Variants in SYT2 observed in about 807,000 individuals in gnomAD.
SYT2 encodes the protein synaptotagmin-2.
In SYT2, 15 loss-of-function variants were observed where a neutral mutation model predicts 39.9. The ratio of observed to expected loss-of-function variants is 0.38; its 90% CI spans 0.25 to 0.58. The LOEUF is 0.58. Ranked by LOEUF, SYT2 falls within the 20% of genes least tolerant of loss-of-function variation. The pLI is 0.70. For synonymous variants in SYT2, 181 were observed against 204.5 expected (o/e 0.89, Z 0.98); for missense variants, 389 against 530.3 (o/e 0.73, Z 2.62).
At chr1:202,660,240 T>A (rs1202757037) in intron 1 of SYT2, among the ~76,000 whole-genome samples, 3 of 152,148 alleles carry the variant, frequency 2.0e-5, no homozygotes, top group African/African-American at 7.2e-5. Context: ...CAAGCTGGAC[T>A]TCGGTCCTGA....
At chr1:202,709,584 G>C (rs1369349949) in intron 1 of SYT2, among the ~76,000 whole-genome samples, 1 of 152,256 alleles carries the variant, frequency 6.6e-6, no homozygotes, top group African/African-American at 2.4e-5. Flanking sequence ...CTTGGGGACA[G>C]AGCTGAAGCA....
intron 1 of SYT2, among the ~76,000 whole-genome samples, chr1:202,696,236 A>C (rs747764312): frequency 6.6e-6 from 1 of 151,704 alleles, no homozygotes; most frequent in Non-Finnish European, 1.5e-5. Context: ...CCAGCTCAGA[A>C]CTCTTCCTAT....
rs191028848 is a variant in SYT2 at position 202,700,629 on chromosome 1, C to T, written c.-18+9629G>A. 5.1e-4 allele frequency among the ~76,000 whole-genome samples: 78 copies of T among 152,144 alleles called. 1 individual carries two copies. The highest frequency in any genetic ancestry group is 1.6e-3 in the African/African-American group (67 of 41,510). ...CAAGACCAAAAAAATATATAGTAGA[C>T]GTTTTCTCTAGTAAAATATCTAGTA... On this transcript the variant is annotated intron_variant, in intron 1 of 8. Coordinates refer to ENST00000367268, the MANE Select transcript of SYT2 (RefSeq NM_177402.5).
Position 202,599,459 on chromosome 1 carries a change from C to CCG in SYT2, c.920-110_920-109dup. The CCG allele has an allele frequency of 7.8e-7, 1 of 1,281,634 alleles. No homozygotes were observed. The highest frequency in any genetic ancestry group is 1.1e-6 in the Non-Finnish European group (1 of 947,958). The allele number at this position is 1,281,634 out of a possible 1,614,324, so 79.4% of individuals were successfully genotyped here. A position where few individuals can be genotyped will look rare whatever the true frequency, so the allele number is the denominator to read the frequency against. ...CATCGGTCAAGAGGGGGTCTTCACT[C>CCG]CGCTGAGACCAGGCCCTCAGAAAGC... On this transcript the variant is annotated intron_variant, in intron 7 of 8. Transcript: ENST00000367268. This position sits in a 1 kb window ranked among gnomAD's most constrained non-coding sequence, Gnocchi z 4.4.
At position 202,601,798 on chromosome 1, in the gene SYT2, C is replaced by T; in HGVS notation, c.801+92G>A. ...GGATCCTAACACAGGTCGTCTGCCT[C>T]CAAAGCCCACCCTGTTTCCATCATG... is the stretch of plus-strand genomic sequence containing the variant. On this transcript the variant is annotated intron_variant, in intron 6 of 8. Transcript: ENST00000367268. The surrounding 1 kb of genome is among the most constrained non-coding windows in gnomAD (Gnocchi z 4.0). 7.0e-7 allele frequency: 1 copy of T among 1,428,856 alleles called. No individual in the cohort carries two copies. The highest frequency in any genetic ancestry group is 9.6e-7 in the Non-Finnish European group (1 of 1,042,760). The allele number at this position is 1,428,856 out of a possible 1,614,324, so 88.5% of individuals were successfully genotyped here.
chr1:202,645,287 T>C (rs1352810730), intron 1 of SYT2, among the ~76,000 whole-genome samples: 2 of 152,150 alleles, frequency 1.3e-5, no homozygotes, highest in Non-Finnish European at 2.9e-5. Context: ...TCACCTGAGA[T>C]GGGTGTGCGG....
intron 1 of SYT2, among the ~76,000 whole-genome samples, chr1:202,645,507 C>T (rs1220562395): frequency 2.6e-5 from 4 of 152,130 alleles, no homozygotes; most frequent in Admixed American, 6.5e-5. Context: ...AAGCTTATGC[C>T]TTCACGATTG....
At position 202,608,567 on chromosome 1, in the gene SYT2, C is replaced by T. The variant is rs570253086; in HGVS notation, c.-17-2778G>A. Among the ~76,000 whole-genome samples the T allele has an allele frequency of 4.6e-5, 7 of 152,316 alleles. No individual in the cohort carries two copies. In the East Asian group the frequency reaches 1.3e-3, roughly 29 times the overall value. On this transcript the variant is annotated intron_variant, in intron 1 of 8. Coordinates refer to ENST00000367268, the MANE Select transcript of SYT2 (RefSeq NM_177402.5). ...TTGGCATTACAGGCATGAGCCACCG[C>T]ACCTTGCCTAGAACATATTTTATAT...
In SYT2 at chr1:202,613,649, C is replaced by T. The variant is rs186716767; in HGVS notation, c.-17-7860G>A. ...GTAAGCTGTGGGCTTTTTGTAGATG[C>T]CATTTATCAGTTGAGCCTAGCTCCT... On this transcript the variant is annotated intron_variant, in intron 1 of 8. Coordinates refer to ENST00000367268, the MANE Select transcript of SYT2 (RefSeq NM_177402.5). Among the ~76,000 whole-genome samples the T allele has an allele frequency of 1.5e-3, 222 of 152,144 alleles. 2 individuals carry two copies. The highest frequency in any genetic ancestry group is 5.1e-3 in the Admixed American group (78 of 15,272).
intron 1 of SYT2, among the ~76,000 whole-genome samples, chr1:202,693,591 C>T (rs370279483): frequency 3.3e-5 from 5 of 152,052 alleles, no homozygotes; most frequent in African/African-American, 1.2e-4. Context: ...GGATTTGGGG[C>T]GATTTAGATA....
rs780436462 is a variant in SYT2 at position 202,631,829 on chromosome 1, A to G, written c.-17-26040T>C. ...CCCACTATTGGGAGGGGTGTTATAGACAGGACTCAGGTAAGGGGACACAGC... is the reference window on the plus strand; with the variant it reads ...CCCACTATTGGGAGGGGTGTTATAGGCAGGACTCAGGTAAGGGGACACAGC... On this transcript the variant is annotated intron_variant, in intron 1 of 8. Coordinates refer to ENST00000367268, the MANE Select transcript of SYT2 (RefSeq NM_177402.5). Among the ~76,000 whole-genome samples, 220 of 152,284 alleles carry G rather than the reference A, an allele frequency of 1.4e-3. 1 individual carries two copies. Among genetic ancestry groups the G allele is most frequent in the Non-Finnish European group, 2.5e-3 (167 of 68,018 alleles).
At chr1:202,617,443 C>G (rs1034406509) in intron 1 of SYT2, among the ~76,000 whole-genome samples, 5 of 152,156 alleles carry the variant, frequency 3.3e-5, no homozygotes, top group African/African-American at 4.8e-5. Context: ...CACCTCCCCC[C>G]ATGATTGTAA....
intron 4 of SYT2, 46 bp downstream of exon 4, chr1:202,602,953 G>A: frequency 1.3e-6 from 2 of 1,580,942 alleles, no homozygotes; most frequent in Non-Finnish European, 1.7e-6. Flanking sequence ...CCAACTCCCA[G>A]GCCTCTCCCC....
At chr1:202,681,497 A>C (rs12038816) in intron 1 of SYT2, among the ~76,000 whole-genome samples, 81,507 of 152,146 alleles carry the variant, frequency 0.54, 24,154 homozygotes, top group East Asian at 0.77. Flanking sequence ...AAAATATCTA[A>C]GAGGCTCCCC....
intron 1 of SYT2, among the ~76,000 whole-genome samples, chr1:202,683,877 AG>A (rs1218061962): frequency 6.6e-6 from 1 of 152,026 alleles, no homozygotes; most frequent in East Asian, 1.9e-4. Flanking sequence ...CAACCTCTAG[AG>A]TGCTGGTGAT....
chr1:202,619,423 C>CT (rs1691143970), intron 1 of SYT2, among the ~76,000 whole-genome samples: 2 of 152,166 alleles, frequency 1.3e-5, no homozygotes, highest in South Asian at 4.1e-4. Context: ...AGGTCAAGGT[C>CT]TGAAGAGGTA....
rs115267501 is a variant in SYT2, at chr1:202,600,472, C to T, written c.804G>A (p.Pro268=). Residue 268 remains proline, a splice_region_variant and synonymous_variant, in exon 7 of 9, where the codon CCG becomes CCA. Coordinates refer to ENST00000367268, the MANE Select transcript of SYT2 (RefSeq NM_177402.5). ...AGGTGCAGATGTCGCCCAGCTTCTC[C>T]GGCTGTCCAGGGGAAGAGCAGGACT... ...RDLQGGEKEE[P]EKLGDICTSL... 0.042 allele frequency: 67,279 copies of T among 1,614,026 alleles called. 1,614 individuals carry two copies. Among genetic ancestry groups the T allele is most frequent in the Middle Eastern group, 0.075 (453 of 6,062 alleles).
chr1:202,605,438 C>T (rs533635386), intron 2 of SYT2, 157 bp downstream of exon 2: 28 of 582,216 alleles, frequency 4.8e-5, no homozygotes, highest in African/African-American at 4.4e-4. Context: ...CCTACTTCCC[C>T]CTCCCCGATT....
intron 1 of SYT2, among the ~76,000 whole-genome samples, chr1:202,635,665 C>T (rs939778677): frequency 2.8e-4 from 42 of 152,172 alleles, no homozygotes; most frequent in Admixed American, 2.1e-3. Flanking sequence ...CCTCTCCTTA[C>T]GTACAACTCA....
Sources: gnomAD v4.1 joint callset for allele counts (sites outside exome capture counted in the v4.1 genomes callset) on GRCh38, gnomAD v4.1.1 for gene constraint, Gnocchi (gnomAD v3.1) non-coding constraint, MANE v1.5 for transcripts, NCBI Gene and HGNC (gene_info 2026-07-23, HGNC 2026-07-21) for gene names.